Variants in C2CD2 observed in about 807,000 individuals in gnomAD.
The protein encoded by C2CD2 is C2 calcium dependent domain containing 2.
A neutral mutation model predicts 74.3 loss-of-function variants in C2CD2; 43 were observed. The observed-to-expected ratio is 0.58, with a 90% CI of 0.45 to 0.75. C2CD2 has a LOEUF of 0.75. C2CD2 is among the 30% of genes least tolerant of loss of function. The probability of loss-of-function intolerance (pLI) is 0.00; values close to 1 mark genes in which losing one functional copy is unlikely to be tolerated. For synonymous variants in C2CD2, 422 were observed against 390.7 expected, an observed-to-expected ratio of 1.08 and a Z score of -0.94; for missense variants, 801 against 916.3, an observed-to-expected ratio of 0.87 and a Z score of 1.63.
chr21:41,952,530 C>CTTG (rs2065458478), intron 1 of C2CD2, among the ~76,000 whole-genome samples: 1 of 152,280 alleles, frequency 6.6e-6, no homozygotes, highest in East Asian at 1.9e-4. Context: ...CAGGCTCCAA[C>CTTG]TTCTCCTGTG....
intron 13 of C2CD2, among the ~76,000 whole-genome samples, chr21:41,897,009 G>C (rs902117637): frequency 1.3e-5 from 2 of 152,312 alleles, no homozygotes; most frequent in Admixed American, 6.5e-5. Flanking sequence ...CCCAAATGCC[G>C]AGCCTCCGGC....
intron 2 of C2CD2, among the ~76,000 whole-genome samples, chr21:41,938,514 C>A (rs984126398): frequency 6.6e-6 from 1 of 152,116 alleles, no homozygotes; most frequent in African/African-American, 2.4e-5. Flanking sequence ...CCTGCATCTT[C>A]CCAAACTGAA....
Position 41,907,672 on chromosome 21 carries a change from C to T in C2CD2, c.1131G>A (p.Ser377=), listed in dbSNP as rs751189114. 1.9e-5 allele frequency: 31 copies of T among 1,611,504 alleles called. No homozygotes were observed. The highest frequency in any genetic ancestry group is 2.1e-4 in the Middle Eastern group (1 of 4,664). Residue 377 remains serine (S), a synonymous_variant, in exon 9 of 14, where the codon TCG becomes TCA. Transcript: ENST00000380486. ...GSACGSSVLG[S]VTAEFSYMEP... ...AGCCTCGCCCTACCTCTGCCGTGACCGAGCCCAGCACCGAGCTGCCGCAGG... is the reference window on the plus strand; with the variant it reads ...AGCCTCGCCCTACCTCTGCCGTGACTGAGCCCAGCACCGAGCTGCCGCAGG...
At chr21:41,894,272 T>C (rs1342707218) in intron 13 of C2CD2, among the ~76,000 whole-genome samples, 1 of 152,180 alleles carries the variant, frequency 6.6e-6, no homozygotes, top group South Asian at 2.1e-4. Flanking sequence ...CTACCATTTT[T>C]AGGGTTGCTT....
rs2065246093 is a variant in C2CD2, at chr21:41,929,625, G to T, written c.379-7540C>A. Reference sequence around the variant, plus strand: ...AGTTCCAGCTGATGGTTATACCATTGGGAGCCTCCATTTACTTAGAAATGA... The same window carrying T: ...AGTTCCAGCTGATGGTTATACCATTTGGAGCCTCCATTTACTTAGAAATGA... On this transcript the variant is annotated intron_variant, in intron 2 of 13. Transcript: ENST00000380486. This position sits in a 1 kb window ranked among gnomAD's most constrained non-coding sequence, Gnocchi z 4.6. Among the ~76,000 whole-genome samples, 1 of 152,188 alleles carries T rather than the reference G, an allele frequency of 6.6e-6. No individual in the cohort carries two copies. The highest frequency in any genetic ancestry group is 1.5e-5 in the Non-Finnish European group (1 of 68,022).
At position 41,942,018 on chromosome 21, in the gene C2CD2, C is replaced by T. The variant is rs1375248961; in HGVS notation, c.378+129G>A. On this transcript the variant is annotated intron_variant, in intron 2 of 13. Coordinates refer to ENST00000380486, the MANE Select transcript of C2CD2 (RefSeq NM_015500.2). ...CTTCATCTACCCATCAGCTGATGGG[C>T]CAGATGGTTGTTTTGATTTTTTTCC... 1.6e-5 allele frequency: 20 copies of T among 1,219,486 alleles called. No individual in the cohort carries two copies. In the East Asian group the frequency reaches 5.0e-4, roughly 30 times the overall value. The allele number at this position is 1,219,486 out of a possible 1,614,324, so 75.5% of individuals were successfully genotyped here.
intron 2 of C2CD2, among the ~76,000 whole-genome samples, chr21:41,933,534 C>G (rs879649966): frequency 7.2e-5 from 11 of 152,226 alleles, no homozygotes; most frequent in Non-Finnish European, 1.6e-4. Context: ...AGAGATTAAG[C>G]TGGCTGGATG....
Position 41,887,379 on chromosome 21 carries a change from T to C in C2CD2, c.*1745A>G. ...GTCACTTGATAATTCCTGGAACACC[T>C]AAGAAGTTTGTAATGCGCATTTTAA... On this transcript the variant is annotated 3_prime_UTR_variant, in exon 14 of 14. Coordinates refer to ENST00000380486, the MANE Select transcript of C2CD2 (RefSeq NM_015500.2). 1 of 152,110 alleles carries C rather than the reference T, an allele frequency of 6.6e-6. No homozygotes were observed. Among genetic ancestry groups the C allele is most frequent in the East Asian group, 1.9e-4 (1 of 5,204 alleles). 9.4% of individuals were successfully genotyped at this position (152,110 alleles called of 1,614,324 possible).
intron 8 of C2CD2, chr21:41,908,239 C>T: frequency 1.5e-5 from 1 of 66,088 alleles, no homozygotes; most frequent in Non-Finnish European, 2.9e-5. Flanking sequence ...AATTTACCCT[C>T]AAGTTGTGTG....
intron 4 of C2CD2, 101 bp downstream of exon 4, chr21:41,918,755 G>T: frequency 1.1e-6 from 1 of 887,692 alleles, no homozygotes; most frequent in Non-Finnish European, 1.8e-6. Flanking sequence ...AGGGAAGGAG[G>T]CCAGCAACAC....
Position 41,903,521 on chromosome 21 carries a change from A to C in C2CD2, c.1433-1772T>G, listed in dbSNP as rs1471023799. Among the ~76,000 whole-genome samples, 1 of 152,198 alleles carries C rather than the reference A, an allele frequency of 6.6e-6. No homozygotes were observed. Among genetic ancestry groups the C allele is most frequent in the Non-Finnish European group, 1.5e-5 (1 of 68,040 alleles). ...ATTGCTTGCCATAGAAAATCTACAC[A>C]TTTGGCGTCAGGAGTGTTGTGAGTA... On this transcript the variant is annotated intron_variant, in intron 11 of 13. Coordinates refer to ENST00000380486, the MANE Select transcript of C2CD2 (RefSeq NM_015500.2). This position sits in a 1 kb window ranked among gnomAD's most constrained non-coding sequence, Gnocchi z 4.5.
intron 10 of C2CD2, 48 bp downstream of exon 10, chr21:41,906,944 G>C: frequency 6.7e-7 from 1 of 1,492,162 alleles, no homozygotes; most frequent in Non-Finnish European, 9.3e-7. Context: ...GGTGGTTACA[G>C]GCAGGCGTCA....
intron 1 of C2CD2, among the ~76,000 whole-genome samples, chr21:41,948,870 C>CTTTTTTTTATTTTTTTTTTTTTTTT (rs2065424689): frequency 1.2e-5 from 1 of 80,686 alleles, no homozygotes; most frequent in African/African-American, 4.3e-5. Flanking sequence ...CACACAGCAT[C>CTTTTTTTTATTTTTTTTTTTTTTTT]TTTTTTTTTT....
rs2064715772 is a variant in C2CD2, at chr21:41,889,060, C to A, written c.*64G>T. On this transcript the variant is annotated 3_prime_UTR_variant, in exon 14 of 14. Coordinates refer to ENST00000380486, the MANE Select transcript of C2CD2 (RefSeq NM_015500.2). Reference sequence around the variant, plus strand: ...GGACATCCGGCGGACACACTGGCTGCGTCCTGGTGAGGGTAGTTAACATGG... The same window carrying A: ...GGACATCCGGCGGACACACTGGCTGAGTCCTGGTGAGGGTAGTTAACATGG... 1 of 1,204,136 alleles carries A rather than the reference C, an allele frequency of 8.3e-7. No individual in the cohort carries two copies. Among genetic ancestry groups the A allele is most frequent in the African/African-American group, 1.5e-5 (1 of 67,022 alleles). 74.6% of individuals were successfully genotyped at this position (1,204,136 alleles called of 1,614,324 possible). A position where few individuals can be genotyped will look rare whatever the true frequency, so the allele number is the denominator to read the frequency against.
Position 41,918,907 on chromosome 21 carries a change from GA to G in C2CD2, c.545del (p.Phe182SerfsTer35). On this transcript the variant is annotated frameshift_variant, in exon 4 of 14. Transcript: ENST00000380486. LOFTEE classifies it high-confidence loss of function. Reference protein sequence around the residue: ...KREDLQISWSFISVPEMAVNI... With the variant: ...KREDLQISWSXISVPEMAVNI... ...TAACGGCCATTTCCGGCACACTGATGAAAGACCAGCTAATCTGGAGGTCCTC... is the reference window on the plus strand; with the variant it reads ...TAACGGCCATTTCCGGCACACTGATGAAGACCAGCTAATCTGGAGGTCCTC... 2 of 1,614,244 alleles carry G rather than the reference GA, an allele frequency of 1.2e-6. No homozygotes were observed. Among genetic ancestry groups the G allele is most frequent in the Non-Finnish European group, 1.7e-6 (2 of 1,180,028 alleles).
intron 12 of C2CD2, among the ~76,000 whole-genome samples, chr21:41,900,362 A>T (rs1272170672): frequency 1.3e-5 from 2 of 152,242 alleles, no homozygotes; most frequent in East Asian, 3.8e-4. Flanking sequence ...ATTAAATACT[A>T]AGATCCAGGA....
rs2146116419 is a variant in C2CD2, at chr21:41,886,358, T to G, written c.*2766A>C. On this transcript the variant is annotated 3_prime_UTR_variant, in exon 14 of 14. Transcript: ENST00000380486. ...TAATTTATCTTTAACCTTCACAACATTTACTTTGTCATAAATACCCTACAC... is the reference window on the plus strand; with the variant it reads ...TAATTTATCTTTAACCTTCACAACAGTTACTTTGTCATAAATACCCTACAC... 1 of 152,312 alleles carries G rather than the reference T, an allele frequency of 6.6e-6. No homozygotes were observed. Among genetic ancestry groups the G allele is most frequent in the East Asian group, 1.9e-4 (1 of 5,184 alleles). The allele number at this position is 152,312 out of a possible 1,614,324, so 9.4% of individuals were successfully genotyped here. A position where few individuals can be genotyped will look rare whatever the true frequency, so the allele number is the denominator to read the frequency against.
In C2CD2 at chr21:41,899,246, C is replaced by T. The variant is rs150987090; in HGVS notation, c.1677G>A (p.Pro559=). The T allele has an allele frequency of 8.4e-4, 1,352 of 1,612,178 alleles. 6 individuals carry two copies. The highest frequency in any genetic ancestry group is 9.0e-4 in the Non-Finnish European group (1,057 of 1,179,626). Residue 559 remains proline (P), a synonymous_variant, in exon 13 of 14, where the codon CCG becomes CCA. Coordinates refer to ENST00000380486, the MANE Select transcript of C2CD2 (RefSeq NM_015500.2). The surrounding 1 kb of genome is among the most constrained non-coding windows in gnomAD (Gnocchi z 4.4). ...CCTGGGCTGACTCGGCTTCCTCTGG[C>T]GGGGCAGAGGCTGCCGCCCTCTCCG... ...SHPERAAASA[P]PEEAESAQAS...
At chr21:41,938,903 G>A (rs1333763130) in intron 2 of C2CD2, among the ~76,000 whole-genome samples, 1 of 151,896 alleles carries the variant, frequency 6.6e-6, no homozygotes, top group East Asian at 1.9e-4. Flanking sequence ...CAACACACCT[G>A]GCCAATTTTT....
Sources: gnomAD v4.1 joint callset for allele counts (sites outside exome capture counted in the v4.1 genomes callset) on GRCh38, gnomAD v4.1.1 for gene constraint, Gnocchi (gnomAD v3.1) non-coding constraint, MANE v1.5 for transcripts, NCBI Gene and HGNC (gene_info 2026-07-23, HGNC 2026-07-21) for gene names.